Variants in SUGCT observed in about 807,000 individuals in gnomAD.
SUGCT encodes the protein succinyl-CoA:glutarate-CoA transferase.
SUGCT carries 41 observed loss-of-function variants against 55.0 expected under a neutral mutation model. That is an observed-to-expected ratio of 0.74 (90% confidence interval 0.58 to 0.97). The LOEUF is 0.97. SUGCT is among the 50% of genes least tolerant of loss of function. The pLI is 0.00. For synonymous variants in SUGCT, 187 were observed against 200.4 expected (o/e 0.93, Z 0.56); for missense variants, 568 against 547.8 (o/e 1.04, Z -0.37).
chr7:40,317,600 G>C (rs551802830), intron 9 of SUGCT, among the ~76,000 whole-genome samples: 1 of 152,060 alleles, frequency 6.6e-6, no homozygotes, highest in Non-Finnish European at 1.5e-5. Flanking sequence ...CACATGTTAG[G>C]TACTATATAC....
chr7:40,794,401 C>T (rs1405906969), intron 13 of SUGCT, among the ~76,000 whole-genome samples: 3 of 152,148 alleles, frequency 2.0e-5, no homozygotes, highest in Non-Finnish European at 4.4e-5. Flanking sequence ...TTTTATCACC[C>T]TCCATGCTGT....
At chr7:40,456,094 C>T (rs536621003) in intron 10 of SUGCT, among the ~76,000 whole-genome samples, 6 of 152,150 alleles carry the variant, frequency 3.9e-5, no homozygotes, top group African/African-American at 7.2e-5. Flanking sequence ...GGCATGATCT[C>T]GGCTCACTGC....
At chr7:40,856,011 C>T (rs1256681196) in intron 13 of SUGCT, among the ~76,000 whole-genome samples, 1 of 152,206 alleles carries the variant, frequency 6.6e-6, no homozygotes, top group Non-Finnish European at 1.5e-5. Context: ...TTCAATCCTT[C>T]TTCTTAGTCC....
chr7:40,453,335 G>A (rs1789295337), intron 10 of SUGCT, among the ~76,000 whole-genome samples: 1 of 152,156 alleles, frequency 6.6e-6, no homozygotes, highest in African/African-American at 2.4e-5. Flanking sequence ...GAACCATGCT[G>A]GGGAGTGGGA....
At chr7:40,519,761 A>G (rs10232839) in intron 12 of SUGCT, among the ~76,000 whole-genome samples, 9,069 of 152,154 alleles carry the variant, frequency 0.06, 883 homozygotes, top group African/African-American at 0.21. Flanking sequence ...ATATTAAGTT[A>G]ATAATTAATA....
intron 13 of SUGCT, among the ~76,000 whole-genome samples, chr7:40,788,174 G>A (rs540702959): frequency 2.0e-5 from 3 of 152,266 alleles, no homozygotes; most frequent in Middle Eastern, 6.8e-3. Context: ...GCAGGGTATC[G>A]TGGAGACCAA....
intron 12 of SUGCT, among the ~76,000 whole-genome samples, chr7:40,581,557 T>C (rs1192981846): frequency 1.3e-5 from 2 of 152,208 alleles, no homozygotes; most frequent in African/African-American, 2.4e-5. Context: ...GGAAGCCACA[T>C]GGCGTAATTG....
chr7:40,457,035 CT>C (rs1322175783), intron 10 of SUGCT, among the ~76,000 whole-genome samples: 1 of 151,978 alleles, frequency 6.6e-6, no homozygotes, highest in Non-Finnish European at 1.5e-5. Flanking sequence ...CTTTCGTTTG[CT>C]ACTCAGTTTA....
intron 13 of SUGCT, among the ~76,000 whole-genome samples, chr7:40,845,224 C>T (rs1304708974): frequency 6.6e-6 from 1 of 152,036 alleles, no homozygotes; most frequent in Non-Finnish European, 1.5e-5. Flanking sequence ...TGAGGAGAAG[C>T]AGATCAAATG....
chr7:40,319,953 C>T (rs938081811), intron 9 of SUGCT, among the ~76,000 whole-genome samples: 2 of 151,456 alleles, frequency 1.3e-5, no homozygotes, highest in African/African-American at 2.4e-5. Context: ...TACCGAGTAG[C>T]GGAGACTACA....
At chr7:40,666,272 C>T (rs1296142402) in intron 12 of SUGCT, among the ~76,000 whole-genome samples, 1 of 151,396 alleles carries the variant, frequency 6.6e-6, no homozygotes, top group Non-Finnish European at 1.5e-5. Context: ...ATCACTTTTA[C>T]CTGGGAGGCG....
At chr7:40,941,758 G>A in the SUGCT span, among the ~76,000 whole-genome samples, 1 of 152,154 alleles carries the variant, frequency 6.6e-6, no homozygotes, top group Non-Finnish European at 1.5e-5. Context: ...CCAGAGTTAG[G>A]TGGGTATATA....
At chr7:40,674,329 C>G (rs535467111) in intron 12 of SUGCT, among the ~76,000 whole-genome samples, 2 of 152,318 alleles carry the variant, frequency 1.3e-5, no homozygotes, top group East Asian at 3.9e-4. Context: ...AGAAATAGAG[C>G]TGGTTGGTGC....
intron 13 of SUGCT, among the ~76,000 whole-genome samples, chr7:40,791,560 A>G (rs1053139017): frequency 2.0e-5 from 3 of 152,190 alleles, no homozygotes; most frequent in East Asian, 1.9e-4. Flanking sequence ...AATGTTGCAC[A>G]TTAGAATTTT....
chr7:40,456,019 T>C (rs1789465680), intron 10 of SUGCT, among the ~76,000 whole-genome samples: 1 of 152,042 alleles, frequency 6.6e-6, no homozygotes, highest in East Asian at 1.9e-4. Context: ...ATTTATATTT[T>C]ATTTATTTAT....
the SUGCT span, among the ~76,000 whole-genome samples, chr7:40,894,396 C>T: frequency 2.0e-5 from 3 of 152,108 alleles, no homozygotes; most frequent in African/African-American, 7.2e-5. Flanking sequence ...CCATTCTGGA[C>T]ATAGGACCTG....
intron 8 of SUGCT, among the ~76,000 whole-genome samples, chr7:40,309,524 A>C (rs1795027262): frequency 6.6e-6 from 1 of 152,050 alleles, no homozygotes; most frequent in Non-Finnish European, 1.5e-5. Context: ...TGAATTCCTG[A>C]CCTCAAGTGA....
the SUGCT span, among the ~76,000 whole-genome samples, chr7:40,951,956 A>T: frequency 2.0e-5 from 3 of 152,118 alleles, no homozygotes; most frequent in South Asian, 6.2e-4. Flanking sequence ...AGTTCTGTAG[A>T]TTTCTTTTAG....
intron 9 of SUGCT, among the ~76,000 whole-genome samples, chr7:40,373,389 T>TATGGATTC (rs1554325983): frequency 3.4e-3 from 25 of 7,290 alleles, no homozygotes; most frequent in Admixed American, 5.5e-3. Flanking sequence ...TATATAGAAT[T>TATGGATTC]TAGATCAATG....
Sources: gnomAD v4.1 joint callset for allele counts (sites outside exome capture counted in the v4.1 genomes callset) on GRCh38, gnomAD v4.1.1 for gene constraint, MANE v1.5 for transcripts, NCBI Gene and HGNC (gene_info 2026-07-23, HGNC 2026-07-21) for gene names.